The following TFPI variants were observed in gnomAD, a reference collection of about 807,000 sequenced individuals.
TFPI encodes tissue factor pathway inhibitor.
TFPI carries 15 observed loss-of-function variants against 34.6 expected under a neutral mutation model. That is an observed-to-expected ratio of 0.43 (90% CI 0.29 to 0.67). The LOEUF is 0.67. Ranked by LOEUF, TFPI falls within the 30% of genes least tolerant of loss-of-function variation. The probability of loss-of-function intolerance (pLI) is 0.15; values close to 1 mark genes in which losing one functional copy is unlikely to be tolerated. For missense variants in TFPI, 301 were observed against 364.0 expected (o/e 0.83, Z 1.41); for synonymous variants, 105 against 120.1 (o/e 0.87, Z 0.82).
chr2:187,544,883 G>C lies in TFPI; in HGVS notation c.-3+9317C>G, dbSNP rs544921462. Among the ~76,000 whole-genome samples, 63 of 152,278 alleles carry C rather than the reference G, an allele frequency of 4.1e-4. No individual in the cohort carries two copies. The South Asian group carries it at 0.013, about 32-fold the overall frequency. The stretch of plus-strand genomic sequence containing the variant: ...TAAAACCAGCACTTTGGGAGGCCAA[G>C]GCGGGCGGATCACCTCAGGTCAGGA... On this transcript the variant is annotated intron_variant, in intron 1 of 7. Transcript: ENST00000233156.
intron 1 of TFPI, among the ~76,000 whole-genome samples, chr2:187,542,802 G>A (rs1245722851): frequency 6.6e-6 from 1 of 151,348 alleles, no homozygotes; most frequent in African/African-American, 2.4e-5. Context: ...GGGAGATGGA[G>A]GCTGCAGTGA....
chr2:187,540,203 C>G (rs929281392), intron 1 of TFPI, among the ~76,000 whole-genome samples: 1 of 152,068 alleles, frequency 6.6e-6, no homozygotes, highest in African/African-American at 2.4e-5. Flanking sequence ...GCGCCCCGGC[C>G]ACGTCATCCT....
At chr2:187,550,131 G>T (rs1689042105) in intron 1 of TFPI, among the ~76,000 whole-genome samples, 1 of 152,092 alleles carries the variant, frequency 6.6e-6, no homozygotes. Flanking sequence ...CCGAACGTCA[G>T]AGAGGACAGA....
chr2:187,500,846 G>A (rs1052211550), intron 2 of TFPI, among the ~76,000 whole-genome samples: 3 of 152,082 alleles, frequency 2.0e-5, no homozygotes, highest in Non-Finnish European at 2.9e-5. Flanking sequence ...ATCTGCCTCG[G>A]TTTTCATTTC....
intron 5 of TFPI, chr2:187,484,564 T>C (rs1693118939): frequency 2.0e-6 from 1 of 490,798 alleles, no homozygotes; most frequent in Non-Finnish European, 3.5e-6. Flanking sequence ...GCCAAAATTG[T>C]ACTGCAGTAT....
At chr2:187,505,729 C>A (rs1307759758) in intron 1 of TFPI, among the ~76,000 whole-genome samples, 4 of 152,110 alleles carry the variant, frequency 2.6e-5, no homozygotes, top group Non-Finnish European at 4.4e-5. Context: ...TTGGACCAAT[C>A]CATTTGAGTT....
At chr2:187,532,682 G>A (rs1020462159) in intron 1 of TFPI, among the ~76,000 whole-genome samples, 2 of 152,158 alleles carry the variant, frequency 1.3e-5, no homozygotes, top group African/African-American at 4.8e-5. Context: ...CAAGCTGCGG[G>A]AGTTTTTTTT....
At chr2:187,484,784 C>A in intron 5 of TFPI, 27 bp downstream of exon 5, 1 of 1,555,900 alleles carries the variant, frequency 6.4e-7, no homozygotes, top group Middle Eastern at 1.7e-4. Flanking sequence ...TATAAATGAA[C>A]TAAAATGAAA....
chr2:187,484,442 C>T, intron 5 of TFPI: 2 of 534,884 alleles, frequency 3.7e-6, no homozygotes, highest in South Asian at 2.8e-5. Flanking sequence ...TTAAGTCATC[C>T]CTTTAATAAA....
At chr2:187,537,499 T>C (rs1435128181) in intron 1 of TFPI, among the ~76,000 whole-genome samples, 1 of 152,232 alleles carries the variant, frequency 6.6e-6, no homozygotes, top group Non-Finnish European at 1.5e-5. Context: ...AAGGATTCCC[T>C]ATTTAATAAA....
chr2:187,484,687 G>T, intron 5 of TFPI, 124 bp downstream of exon 5: 1 of 776,288 alleles, frequency 1.3e-6, no homozygotes, highest in Non-Finnish European at 1.9e-6. Flanking sequence ...CACATTGAAT[G>T]CACACAAATA....
At chr2:187,481,273 T>C (rs993729450) in intron 6 of TFPI, among the ~76,000 whole-genome samples, 11 of 152,116 alleles carry the variant, frequency 7.2e-5, no homozygotes, top group Admixed American at 5.9e-4. Context: ...ACACGTTTGA[T>C]AAAACCCTTG....
chr2:187,491,586 A>T (rs1685126372), intron 3 of TFPI, among the ~76,000 whole-genome samples: 1 of 152,018 alleles, frequency 6.6e-6, no homozygotes, highest in South Asian at 2.1e-4. Flanking sequence ...ATCACATTTT[A>T]TTTACCCAAT....
At position 187,506,473 on chromosome 2, in the gene TFPI, T is replaced by C. The variant is rs151023086; in HGVS notation, c.-2-2703A>G. Among the ~76,000 whole-genome samples the C allele has an allele frequency of 4.2e-3, 643 of 152,258 alleles. 10 individuals are homozygous for C. Among genetic ancestry groups the C allele is most frequent in the East Asian group, 0.029 (152 of 5,182 alleles). On this transcript the variant is annotated intron_variant, in intron 1 of 7. Transcript: ENST00000233156. Reference sequence around the variant, plus strand: ...TAATATACCAAAATTGATACATTGTTACTAACTAAAGTCCATATGTTAATC... The same window carrying C: ...TAATATACCAAAATTGATACATTGTCACTAACTAAAGTCCATATGTTAATC...
chr2:187,486,949 A>G (rs1693314845), intron 4 of TFPI, among the ~76,000 whole-genome samples: 1 of 151,634 alleles, frequency 6.6e-6, no homozygotes, highest in Non-Finnish European at 1.5e-5. Context: ...GAAATTGATC[A>G]AGTCTTTGTT....
intron 1 of TFPI, among the ~76,000 whole-genome samples, chr2:187,532,615 C>T (rs929853141): frequency 3.3e-5 from 5 of 152,218 alleles, no homozygotes; most frequent in African/African-American, 1.2e-4. Context: ...CGTGCTTACG[C>T]CATTGAGGCC....
Position 187,488,335 on chromosome 2 carries a change from A to G in TFPI, c.358+2T>C. ...CAAATTTACAGACAAATAAATGTTC[A>G]CCTTGTTGCAATGTTGTCTTTATAA... On this transcript the variant is annotated splice_donor_variant, in intron 4 of 7. Coordinates refer to ENST00000233156, the MANE Select transcript of TFPI (RefSeq NM_006287.6). LOFTEE classifies it high-confidence loss of function. 1 of 1,564,222 alleles carries G rather than the reference A, an allele frequency of 6.4e-7. No homozygotes were observed. The highest frequency in any genetic ancestry group is 2.0e-5 in the Admixed American group (1 of 48,814).
At chr2:187,492,178 C>T (rs181352031) in intron 3 of TFPI, among the ~76,000 whole-genome samples, 1 of 152,200 alleles carries the variant, frequency 6.6e-6, no homozygotes, top group Non-Finnish European at 1.5e-5. Context: ...TTTGGCTGTG[C>T]AGAACATTTT....
chr2:187,481,988 G>A (rs1692900432), intron 6 of TFPI, among the ~76,000 whole-genome samples: 1 of 151,930 alleles, frequency 6.6e-6, no homozygotes, highest in Non-Finnish European at 1.5e-5. Flanking sequence ...ATAAACTAAA[G>A]AAGACATATC....
Sources: gnomAD v4.1 joint callset for allele counts (sites outside exome capture counted in the v4.1 genomes callset) on GRCh38, gnomAD v4.1.1 for gene constraint, MANE v1.5 for transcripts, NCBI Gene and HGNC (gene_info 2026-07-23, HGNC 2026-07-21) for gene names.